Variants in PHLPP1 observed in about 807,000 individuals in gnomAD.
PHLPP1 encodes the protein PH domain leucine-rich repeat-containing protein phosphatase 1.
Under a neutral mutation model 117.2 loss-of-function variants are expected in PHLPP1, and 42 were observed. The observed-to-expected ratio is 0.36, with a 90% CI of 0.28 to 0.46. PHLPP1 has a LOEUF of 0.46. PHLPP1 is among the 20% of genes least tolerant of loss of function. PHLPP1 has a pLI of 1.00. For missense variants in PHLPP1, 2,084 were observed against 2,241.9 expected (o/e 0.93, Z 1.42); for synonymous variants, 1,042 against 970.7 (o/e 1.07, Z -1.37).
Position 62,715,948 on chromosome 18 carries a change from G to A in PHLPP1, c.265G>A (p.Gly89Ser), listed in dbSNP as rs1167959621. 4.2e-6 allele frequency: 5 copies of A among 1,178,044 alleles called. No homozygotes were observed. In the African/African-American group the frequency reaches 8.1e-5, roughly 19 times the overall value. 73.0% of individuals were successfully genotyped at this position (1,178,044 alleles called of 1,614,324 possible). ...PPGPLPGRAGGAGRRRRRGAP... is the reference protein window; with the variant it reads ...PPGPLPGRAGSAGRRRRRGAP... ...GGGGCCGCTGCCGGGCAGAGCGGGG[G>A]GTGCCGGGCGCAGGAGGCGGCGCGG... Residue 89 changes from glycine (G) to serine (S), a missense_variant, in exon 1 of 17, where the codon GGT (glycine) becomes AGT (serine). Coordinates refer to ENST00000262719, the MANE Select transcript of PHLPP1 (RefSeq NM_194449.4).
chr18:62,766,494 C>T (rs1013050559), intron 1 of PHLPP1, among the ~76,000 whole-genome samples: 5 of 152,002 alleles, frequency 3.3e-5, no homozygotes, highest in African/African-American at 7.2e-5. Context: ...TGCTTGTTCA[C>T]GCTGTGAGTT....
intron 1 of PHLPP1, among the ~76,000 whole-genome samples, chr18:62,751,111 G>GA (rs1911840523): frequency 6.6e-6 from 1 of 152,198 alleles, no homozygotes; most frequent in Admixed American, 6.5e-5. Context: ...GATCCATAGT[G>GA]AATCTTGAAT....
intron 1 of PHLPP1, among the ~76,000 whole-genome samples, chr18:62,827,923 A>G (rs1914654129): frequency 1.3e-5 from 2 of 152,094 alleles, no homozygotes; most frequent in Non-Finnish European, 2.9e-5. Context: ...CTGGTTCTTC[A>G]TAGAGCTGCA....
At chr18:62,876,403 T>G (rs760251435) in intron 4 of PHLPP1, among the ~76,000 whole-genome samples, 29 of 152,216 alleles carry the variant, frequency 1.9e-4, no homozygotes, top group Non-Finnish European at 2.4e-4. Context: ...TCCTTGAAGC[T>G]TTTAGTTACT....
intron 8 of PHLPP1, 111 bp downstream of exon 8, chr18:62,905,395 A>G: frequency 2.2e-6 from 1 of 461,844 alleles, no homozygotes. Context: ...AATGCTAAAA[A>G]ATTAATGATT....
chr18:62,738,640 A>G (rs890636173), intron 1 of PHLPP1, among the ~76,000 whole-genome samples: 3 of 152,198 alleles, frequency 2.0e-5, no homozygotes, highest in Admixed American at 1.3e-4. Flanking sequence ...GTTTTTTCCT[A>G]TACATATATT....
intron 1 of PHLPP1, among the ~76,000 whole-genome samples, chr18:62,827,228 C>T (rs973118157): frequency 1.3e-5 from 2 of 152,146 alleles, no homozygotes; most frequent in South Asian, 2.1e-4. Context: ...TTTGCTTTTA[C>T]GTCTATTTTT....
chr18:62,800,303 A>G (rs1374219690), intron 1 of PHLPP1, among the ~76,000 whole-genome samples: 1 of 152,114 alleles, frequency 6.6e-6, no homozygotes, highest in Admixed American at 6.5e-5. Context: ...GGATATCCGA[A>G]TGTTCTTCGT....
At chr18:62,926,735 G>A (rs1333166232) in intron 10 of PHLPP1, among the ~76,000 whole-genome samples, 2 of 152,156 alleles carry the variant, frequency 1.3e-5, no homozygotes, top group Non-Finnish European at 2.9e-5. Flanking sequence ...TAGAGAATTA[G>A]GAAGTGCAGC....
intron 1 of PHLPP1, among the ~76,000 whole-genome samples, chr18:62,807,729 T>G (rs1217413353): frequency 6.6e-6 from 1 of 152,224 alleles, no homozygotes; most frequent in East Asian, 1.9e-4. Flanking sequence ...TGGGAAGTAT[T>G]AGTGTATCTA....
At chr18:62,871,123 T>C (rs1915890348) in intron 4 of PHLPP1, among the ~76,000 whole-genome samples, 1 of 152,194 alleles carries the variant, frequency 6.6e-6, no homozygotes, top group African/African-American at 2.4e-5. Flanking sequence ...TTTCATAAAA[T>C]ATGGTAAGTT....
intron 1 of PHLPP1, among the ~76,000 whole-genome samples, chr18:62,787,826 G>C (rs566778520): frequency 7.2e-5 from 11 of 152,250 alleles, no homozygotes; most frequent in African/African-American, 2.4e-4. Context: ...GCATACTAGT[G>C]GGGGATCCCA....
At chr18:62,730,731 G>A (rs1911202718) in intron 1 of PHLPP1, among the ~76,000 whole-genome samples, 1 of 151,190 alleles carries the variant, frequency 6.6e-6, no homozygotes, top group Non-Finnish European at 1.5e-5. Context: ...GGCAGAGGTT[G>A]CAGTGAGCCG....
At chr18:62,808,547 G>GTTTTTTTTTGTTTTTTTTTTTTTTT (rs754879032) in intron 1 of PHLPP1, among the ~76,000 whole-genome samples, 2 of 142,396 alleles carry the variant, frequency 1.4e-5, no homozygotes, top group Non-Finnish European at 3.1e-5. Context: ...TCATCTCTCT[G>GTTTTTTTTTGTTTTTTTTTTTTTTT]TTTTTTTTTG....
chr18:62,760,739 A>C (rs1420216039), intron 1 of PHLPP1, among the ~76,000 whole-genome samples: 1 of 152,218 alleles, frequency 6.6e-6, no homozygotes, highest in Admixed American at 6.5e-5. Context: ...AGGAAGGGTG[A>C]ATATAAAATG....
chr18:62,794,235 GTTTT>G (rs1013187034), intron 1 of PHLPP1, among the ~76,000 whole-genome samples: 1 of 151,360 alleles, frequency 6.6e-6, no homozygotes, highest in Non-Finnish European at 1.5e-5. Flanking sequence ...TTGTTTTGTT[GTTTT>G]TTTTCTTTCC....
At chr18:62,865,919 A>G (rs1410135870) in intron 4 of PHLPP1, among the ~76,000 whole-genome samples, 1 of 152,194 alleles carries the variant, frequency 6.6e-6, no homozygotes, top group Non-Finnish European at 1.5e-5. Flanking sequence ...ATTAGGAAAA[A>G]TAACTAACAG....
chr18:62,914,838 C>A, intron 8 of PHLPP1, 75 bp from the exon 9 acceptor site: 1 of 967,464 alleles, frequency 1.0e-6, no homozygotes, highest in Non-Finnish European at 1.6e-6. Flanking sequence ...TTTATTTATT[C>A]TTTGTAATCA....
intron 10 of PHLPP1, among the ~76,000 whole-genome samples, chr18:62,935,877 C>G (rs747671124): frequency 2.6e-5 from 4 of 152,122 alleles, no homozygotes; most frequent in African/African-American, 4.8e-5. Context: ...GTGATGCATG[C>G]CTGTAATCTC....
Sources: allele counts gnomAD v4.1 joint callset (sites outside exome capture counted in the v4.1 genomes callset), GRCh38; gene constraint gnomAD v4.1.1; transcripts MANE v1.5; gene names NCBI Gene and HGNC (gene_info 2026-07-23, HGNC 2026-07-21).